The following SOX5 variants were observed in gnomAD, a reference collection of about 807,000 sequenced individuals.
SOX5 encodes transcription factor SOX-5.
Under a neutral mutation model 92.0 loss-of-function variants are expected in SOX5, and 9 were observed. The ratio of observed to expected loss-of-function variants is 0.10; its 90% confidence interval spans 0.06 to 0.17. SOX5 has a LOEUF of 0.17. Among genes scored for constraint, SOX5 ranks in the 10% least tolerant of loss-of-function variants. The pLI is 1.00. For synonymous variants in SOX5, 344 were observed against 336.3 expected, an observed-to-expected ratio of 1.02 and a Z score of -0.25; for missense variants, 642 against 944.5, an observed-to-expected ratio of 0.68 and a Z score of 4.20.
chr12:24,365,924 A>G (rs1040266334), intron 2 of SOX5, among the ~76,000 whole-genome samples: 1 of 152,056 alleles, frequency 6.6e-6, no homozygotes, highest in African/African-American at 2.4e-5. Flanking sequence ...AAAATGATGT[A>G]ACTTGCTTTT....
chr12:23,931,732 T>A (rs1189712197), intron 1 of SOX5, among the ~76,000 whole-genome samples: 1 of 151,748 alleles, frequency 6.6e-6, no homozygotes, highest in Admixed American at 6.6e-5. Context: ...AGGAAATGAG[T>A]TGAATCTGTT....
At chr12:23,779,723 C>T (rs564261894) in intron 3 of SOX5, among the ~76,000 whole-genome samples, 2 of 147,640 alleles carry the variant, frequency 1.4e-5, no homozygotes, top group South Asian at 4.3e-4. Context: ...TGATCTCAAA[C>T]ATATGGCTTT....
chr12:24,414,891 T>C (rs1268326733), intron 1 of SOX5, among the ~76,000 whole-genome samples: 4 of 152,146 alleles, frequency 2.6e-5, no homozygotes, highest in African/African-American at 9.7e-5. Flanking sequence ...TTTTCTCCTT[T>C]TCAGAATTTC....
intron 2 of SOX5, among the ~76,000 whole-genome samples, chr12:23,869,226 C>A (rs10505911): frequency 0.3 from 45,788 of 152,042 alleles, 7,955 homozygotes; most frequent in East Asian, 0.8. Context: ...TCATCAAATA[C>A]ATTAACTTGC....
intron 2 of SOX5, among the ~76,000 whole-genome samples, chr12:23,861,818 A>T (rs2096759847): frequency 6.6e-6 from 1 of 152,160 alleles, no homozygotes; most frequent in Non-Finnish European, 1.5e-5. Context: ...CAAGCTCCTT[A>T]CAAAAGTCCT....
chr12:24,183,106 AC>A (rs1432371697), intron 4 of SOX5, among the ~76,000 whole-genome samples: 1 of 152,212 alleles, frequency 6.6e-6, no homozygotes, highest in Non-Finnish European at 1.5e-5. Flanking sequence ...GAAGCTAAGA[AC>A]CATATTCTAG....
intron 1 of SOX5, among the ~76,000 whole-genome samples, chr12:24,479,343 T>A (rs777414671): frequency 4.3e-4 from 65 of 152,234 alleles, no homozygotes; most frequent in Non-Finnish European, 7.2e-4. Context: ...TTTATACATG[T>A]TTTATCTCCT....
chr12:23,910,630 C>A (rs1210361743), intron 1 of SOX5, among the ~76,000 whole-genome samples: 1 of 152,138 alleles, frequency 6.6e-6, no homozygotes, highest in Non-Finnish European at 1.5e-5. Flanking sequence ...GCTGTATCAT[C>A]TGTTAAGTTA....
At chr12:23,655,432 G>C (rs1393392002) in intron 7 of SOX5, among the ~76,000 whole-genome samples, 1 of 152,034 alleles carries the variant, frequency 6.6e-6, no homozygotes, top group Non-Finnish European at 1.5e-5. Flanking sequence ...AGAAATGAAT[G>C]GTCCCGAGAA....
Position 24,253,287 on chromosome 12 carries a change from T to TA in SOX5, c.-77+23928dup, listed in dbSNP as rs71446000. ...GTGCACATCTTTTTTTTTTTTTTTT[T>TA]ACTTCTTTATCCTGTAAGTTTGCAG... On this transcript the variant is annotated intron_variant, in intron 3 of 4. Transcript: ENST00000446891. 9.3e-5 allele frequency among the ~76,000 whole-genome samples: 14 copies of TA among 150,196 alleles called. No individual in the cohort carries two copies. The East Asian group carries it at 2.5e-3, about 27-fold the overall frequency.
At chr12:23,607,804 T>C (rs953273599) in intron 8 of SOX5, among the ~76,000 whole-genome samples, 2 of 152,190 alleles carry the variant, frequency 1.3e-5, no homozygotes, top group South Asian at 2.1e-4. Context: ...TATGTATGCC[T>C]GTATGTCTTA....
chr12:24,455,972 C>T (rs139642823), intron 1 of SOX5, among the ~76,000 whole-genome samples: 3 of 152,284 alleles, frequency 2.0e-5, no homozygotes, highest in African/African-American at 7.2e-5. Context: ...TAGCTGAGCT[C>T]TGAGTTGTGG....
chr12:24,141,148 C>T (rs1950545615), intron 4 of SOX5, among the ~76,000 whole-genome samples: 1 of 152,136 alleles, frequency 6.6e-6, no homozygotes. Flanking sequence ...TCTCTGCAAA[C>T]CTCTCTTCAT....
intron 7 of SOX5, among the ~76,000 whole-genome samples, chr12:23,650,791 T>C (rs558938421): frequency 6.6e-6 from 1 of 152,294 alleles, no homozygotes; most frequent in East Asian, 1.9e-4. Context: ...ATGTTTTCCT[T>C]TGAAGACAAC....
chr12:23,604,329 T>C (rs1473503985), intron 9 of SOX5, 58 bp downstream of exon 9: 7 of 1,572,144 alleles, frequency 4.5e-6, no homozygotes, highest in Non-Finnish European at 6.1e-6. Flanking sequence ...ATTTAATAAA[T>C]ACCATTGAAT....
intron 4 of SOX5, among the ~76,000 whole-genome samples, chr12:24,080,089 T>C (rs1349795230): frequency 2.0e-5 from 3 of 151,962 alleles, no homozygotes; most frequent in Admixed American, 6.6e-5. Context: ...AATAAGTTCA[T>C]ACTACTTTTA....
intron 1 of SOX5, among the ~76,000 whole-genome samples, chr12:24,527,801 T>C (rs1011050191): frequency 1.3e-5 from 2 of 152,260 alleles, no homozygotes; most frequent in African/African-American, 4.8e-5. Context: ...TCAGGGGAGC[T>C]AAATGTCCTA....
intron 4 of SOX5, among the ~76,000 whole-genome samples, chr12:24,069,513 G>A (rs1941431011): frequency 6.6e-6 from 1 of 152,128 alleles, no homozygotes; most frequent in Admixed American, 6.5e-5. Flanking sequence ...CATTACAAGT[G>A]GAGAACCAAT....
chr12:24,095,178 CAGAGAG>C (rs139414194), intron 4 of SOX5, among the ~76,000 whole-genome samples: 1 of 117,396 alleles, frequency 8.5e-6, no homozygotes, highest in African/African-American at 3.2e-5. Context: ...GAGACAGAGA[CAGAGAG>C]AGAGAGAGAG....
Sources: allele counts gnomAD v4.1 joint callset (sites outside exome capture counted in the v4.1 genomes callset), GRCh38; gene constraint gnomAD v4.1.1; transcripts MANE v1.5; gene names NCBI Gene and HGNC (gene_info 2026-07-23, HGNC 2026-07-21).